Variants in PLCB1 observed in about 807,000 individuals in gnomAD.
The protein encoded by PLCB1 is 1-phosphatidylinositol 4,5-bisphosphate phosphodiesterase beta-1.
A neutral mutation model predicts 161.8 loss-of-function variants in PLCB1; 46 were observed. The observed-to-expected ratio is 0.28, with a 90% CI of 0.22 to 0.36. The LOEUF is 0.36. PLCB1 is among the 10% of genes least tolerant of loss of function. The pLI, the probability that PLCB1 is intolerant of heterozygous loss-of-function variation, is 1.00. For synonymous variants in PLCB1, 517 were observed against 503.7 expected (o/e 1.03, Z -0.35); for missense variants, 1,016 against 1,472.5 (o/e 0.69, Z 5.07).
chr20:8,402,883 GA>G (rs1376717371), intron 3 of PLCB1, among the ~76,000 whole-genome samples: 1 of 151,918 alleles, frequency 6.6e-6, no homozygotes, highest in African/African-American at 2.4e-5. Context: ...GTTTTCATTT[GA>G]TTTTTTTCAT....
chr20:8,866,145 C>G (rs117041753), intron 31 of PLCB1, among the ~76,000 whole-genome samples: 7 of 152,260 alleles, frequency 4.6e-5, no homozygotes, highest in African/African-American at 1.7e-4. Context: ...ATTCCAAACC[C>G]GATGTGTTTA....
intron 27 of PLCB1, among the ~76,000 whole-genome samples, chr20:8,785,509 T>C (rs948540776): frequency 2.6e-5 from 4 of 152,126 alleles, no homozygotes; most frequent in African/African-American, 9.7e-5. Context: ...TCAGATAGTT[T>C]AGATAAGTGT....
intron 2 of PLCB1, among the ~76,000 whole-genome samples, chr20:8,343,002 G>A (rs145298989): frequency 9.2e-5 from 14 of 152,304 alleles, no homozygotes; most frequent in African/African-American, 3.4e-4. Flanking sequence ...TATAAGTCAA[G>A]TATTTGAGGG....
At chr20:8,292,986 T>G (rs1319670184) in intron 2 of PLCB1, among the ~76,000 whole-genome samples, 3 of 152,142 alleles carry the variant, frequency 2.0e-5, no homozygotes, top group Admixed American at 1.3e-4. Context: ...TAGGAAGAGC[T>G]TATCACTTTA....
intron 3 of PLCB1, among the ~76,000 whole-genome samples, chr20:8,617,429 T>C (rs1431139098): frequency 6.6e-6 from 1 of 152,198 alleles, no homozygotes; most frequent in Non-Finnish European, 1.5e-5. Flanking sequence ...ATGGTGAAAT[T>C]GTGTGCTACT....
intron 3 of PLCB1, among the ~76,000 whole-genome samples, chr20:8,539,641 T>C (rs6055891): frequency 0.39 from 19,547 of 50,566 alleles, 1,967 homozygotes; most frequent in African/African-American, 0.44. Context: ...TCTTTCTTTC[T>C]TTCTTTCTTT....
In PLCB1 at chr20:8,657,288, A is replaced by G; in HGVS notation, c.695+4A>G. 6.5e-7 allele frequency: 1 copy of G among 1,537,684 alleles called. No individual in the cohort carries two copies. The highest frequency in any genetic ancestry group is 1.1e-5 in the South Asian group (1 of 89,494). On this transcript the variant is annotated splice_donor_region_variant and intron_variant, in intron 8 of 31. Coordinates refer to ENST00000338037, the MANE Select transcript of PLCB1 (RefSeq NM_015192.4). Reference sequence around the variant, plus strand: ...TTGATAACATCTTTTCAGAATTGTAAGAGTACACATTTTAAGCCATATCTT... The same window carrying G: ...TTGATAACATCTTTTCAGAATTGTAGGAGTACACATTTTAAGCCATATCTT...
chr20:8,176,066 G>A (rs2051780170), intron 2 of PLCB1, among the ~76,000 whole-genome samples: 1 of 152,146 alleles, frequency 6.6e-6, no homozygotes, highest in African/African-American at 2.4e-5. Context: ...TCAATGGTAG[G>A]TTAAACAGTC....
At chr20:8,675,618 T>G (rs773714822) in intron 9 of PLCB1, among the ~76,000 whole-genome samples, 2 of 152,190 alleles carry the variant, frequency 1.3e-5, no homozygotes, top group Admixed American at 1.3e-4. Context: ...TGCAGTATGG[T>G]ATAGTAGAAC....
intron 31 of PLCB1, among the ~76,000 whole-genome samples, chr20:8,814,576 C>CGT (rs1491457369): frequency 2.3e-3 from 164 of 72,474 alleles, no homozygotes; most frequent in Non-Finnish European, 2.6e-3. Flanking sequence ...TATGTACTTG[C>CGT]ATGTGTGTGT....
intron 11 of PLCB1, among the ~76,000 whole-genome samples, chr20:8,708,088 G>T (rs1978788506): frequency 6.6e-6 from 1 of 152,006 alleles, no homozygotes; most frequent in Non-Finnish European, 1.5e-5. Context: ...CGATAAAAAT[G>T]TTCTAACTTA....
chr20:8,644,420 A>G (rs1452005765), intron 4 of PLCB1, among the ~76,000 whole-genome samples: 1 of 144,796 alleles, frequency 6.9e-6, no homozygotes, highest in Non-Finnish European at 1.5e-5. Flanking sequence ...CCATCGTCTG[A>G]GATGTGGGGA....
intron 31 of PLCB1, among the ~76,000 whole-genome samples, chr20:8,861,680 A>G (rs2146313839): frequency 6.8e-6 from 1 of 146,782 alleles, no homozygotes; most frequent in Non-Finnish European, 1.5e-5. Flanking sequence ...CAGTGAGGTG[A>G]GATCGTGCCA....
At chr20:8,656,346 A>G (rs1284344828) in intron 7 of PLCB1, among the ~76,000 whole-genome samples, 2 of 152,094 alleles carry the variant, frequency 1.3e-5, no homozygotes, top group Non-Finnish European at 1.5e-5. Flanking sequence ...AGACATTTGT[A>G]TAACTGTACA....
chr20:8,561,685 T>C (rs1308608727), intron 3 of PLCB1, among the ~76,000 whole-genome samples: 1 of 152,052 alleles, frequency 6.6e-6, no homozygotes, highest in African/African-American at 2.4e-5. Context: ...ACTGCTCAAT[T>C]TGCATGAGGA....
intron 3 of PLCB1, among the ~76,000 whole-genome samples, chr20:8,618,982 C>T (rs1410969739): frequency 6.6e-6 from 1 of 152,082 alleles, no homozygotes; most frequent in Non-Finnish European, 1.5e-5. Context: ...ATAGTATTTA[C>T]TCTTAGAATA....
intron 3 of PLCB1, among the ~76,000 whole-genome samples, chr20:8,465,200 G>A (rs1390814611): frequency 1.3e-5 from 2 of 151,962 alleles, no homozygotes; most frequent in Non-Finnish European, 2.9e-5. Context: ...TGAGACCTGG[G>A]TTCACGTCAA....
intron 31 of PLCB1, among the ~76,000 whole-genome samples, chr20:8,875,451 A>G (rs1987745418): frequency 1.4e-5 from 2 of 147,152 alleles, no homozygotes. Context: ...TATATGTAAT[A>G]CATTATATTA....
chr20:8,150,793 T>A (rs1600200366), intron 2 of PLCB1, among the ~76,000 whole-genome samples: 1 of 152,262 alleles, frequency 6.6e-6, no homozygotes, highest in Middle Eastern at 3.4e-3. Context: ...TGCTGTTCAT[T>A]AAGGACTCTC....
Sources: allele counts gnomAD v4.1 joint callset (sites outside exome capture counted in the v4.1 genomes callset), GRCh38; gene constraint gnomAD v4.1.1; transcripts MANE v1.5; gene names NCBI Gene and HGNC (gene_info 2026-07-23, HGNC 2026-07-21).